Variants in FA2H observed in about 807,000 individuals in gnomAD.
FA2H encodes fatty acid alpha-hydroxylase.
A neutral mutation model predicts 44.9 loss-of-function variants in FA2H; 22 were observed. That is an observed-to-expected ratio of 0.49 (90% CI 0.35 to 0.70). The LOEUF is 0.70. Ranked by LOEUF, FA2H falls within the 30% of genes least tolerant of loss-of-function variation. FA2H has a pLI of 0.01. For missense variants in FA2H, 501 were observed against 504.9 expected (o/e 0.99, Z 0.07); for synonymous variants, 243 against 213.2 (o/e 1.14, Z -1.22).
At chr16:74,715,734 A>G (rs1961677455) in intron 6 of FA2H, among the ~76,000 whole-genome samples, 1 of 152,288 alleles carries the variant, frequency 6.6e-6, no homozygotes, top group East Asian at 1.9e-4. Flanking sequence ...TGTGGCCCAC[A>G]TAATATGTCA....
intron 4 of FA2H, 110 bp from the exon 5 acceptor site, chr16:74,719,270 G>A: frequency 3.2e-6 from 3 of 932,722 alleles, no homozygotes; most frequent in South Asian, 1.5e-5. Context: ...GCCCTCTGTT[G>A]GACAGCTACA....
At chr16:74,729,434 G>T (rs576261039) in intron 2 of FA2H, among the ~76,000 whole-genome samples, 1 of 152,204 alleles carries the variant, frequency 6.6e-6, no homozygotes, top group Non-Finnish European at 1.5e-5. Context: ...GTGCCACTAC[G>T]CAGGCTTTAT....
intron 4 of FA2H, among the ~76,000 whole-genome samples, chr16:74,724,629 G>A (rs1961912216): frequency 6.6e-6 from 1 of 152,192 alleles, no homozygotes; most frequent in East Asian, 1.9e-4. Flanking sequence ...TGCATGACAA[G>A]CTGGGGGCTG....
At chr16:74,744,232 T>C (rs1481748273) in intron 1 of FA2H, among the ~76,000 whole-genome samples, 3 of 152,236 alleles carry the variant, frequency 2.0e-5, no homozygotes, top group Admixed American at 6.5e-5. Context: ...ATCAGGAGTG[T>C]GTAGAGGTCA....
At chr16:74,768,358 C>T (rs1341887849) in intron 1 of FA2H, among the ~76,000 whole-genome samples, 1 of 152,180 alleles carries the variant, frequency 6.6e-6, no homozygotes, top group Non-Finnish European at 1.5e-5. Context: ...GGCCATGGAA[C>T]TGCAGTGACC....
intron 1 of FA2H, among the ~76,000 whole-genome samples, chr16:74,773,674 A>C (rs1962950773): frequency 6.6e-6 from 1 of 152,212 alleles, no homozygotes; most frequent in South Asian, 2.1e-4. Flanking sequence ...CCTTAGGCGC[A>C]TTAATCAGAG....
chr16:74,774,471 C>A lies in FA2H; in HGVS notation c.270+15G>T. 4 of 1,499,820 alleles carry A rather than the reference C, an allele frequency of 2.7e-6. No individual in the cohort carries two copies. Among genetic ancestry groups the A allele is most frequent in the Non-Finnish European group, 3.5e-6 (4 of 1,130,464 alleles). 92.9% of individuals were successfully genotyped at this position (1,499,820 alleles called of 1,614,324 possible). On this transcript the variant is annotated intron_variant, in intron 1 of 6. Transcript: ENST00000219368. ...GAGGCCTGGGTTGGGGTGGGGGGCCCCGGCCCGGCTGTACCTGCTGCTCCC... is the reference window on the plus strand; with the variant it reads ...GAGGCCTGGGTTGGGGTGGGGGGCCACGGCCCGGCTGTACCTGCTGCTCCC...
chr16:74,753,024 T>C (rs1962555723), intron 1 of FA2H, among the ~76,000 whole-genome samples: 1 of 152,226 alleles, frequency 6.6e-6, no homozygotes, highest in South Asian at 2.1e-4. Context: ...CCTCACCACC[T>C]AGCAGAGACC....
At chr16:74,733,691 G>A (rs1211206743) in intron 2 of FA2H, among the ~76,000 whole-genome samples, 1 of 152,204 alleles carries the variant, frequency 6.6e-6, no homozygotes, top group African/African-American at 2.4e-5. Context: ...GACAGCAGAC[G>A]ATGACGGCTT....
At chr16:74,733,787 G>C (rs764644046) in intron 2 of FA2H, among the ~76,000 whole-genome samples, 1 of 152,194 alleles carries the variant, frequency 6.6e-6, no homozygotes, top group Non-Finnish European at 1.5e-5. Context: ...TCATTGCCAT[G>C]GGGGTGGGCA....
At chr16:74,764,746 G>A (rs1962776286) in intron 1 of FA2H, among the ~76,000 whole-genome samples, 3 of 151,966 alleles carry the variant, frequency 2.0e-5, no homozygotes, top group Non-Finnish European at 4.4e-5. Context: ...AAAAGAATAG[G>A]AGCAATTAGA....
rs199815871 is a variant in FA2H, at chr16:74,716,542, C to G, written c.844G>C (p.Gly282Arg). Residue 282 changes from glycine to arginine, a missense_variant, in exon 6 of 7, where the codon GGC becomes CGC. Transcript: ENST00000219368. The stretch of plus-strand genomic sequence containing the variant: ...AGCTGCATGCACAAGTAGAAGACGC[C>G]GATCACCAGGGAGGCTGGCACAGGG... ...FPPVPASLVIGVFYLCMQLIL... is the reference protein window; with the variant it reads ...FPPVPASLVIRVFYLCMQLIL... 6.2e-7 allele frequency: 1 copy of G among 1,608,250 alleles called. No homozygotes were observed. Among genetic ancestry groups the G allele is most frequent in the East Asian group, 2.2e-5 (1 of 44,554 alleles).
chr16:74,754,581 GCA>G (rs1962581223), intron 1 of FA2H, among the ~76,000 whole-genome samples: 1 of 152,092 alleles, frequency 6.6e-6, no homozygotes, highest in African/African-American at 2.4e-5. Flanking sequence ...AGGCTGGAAT[GCA>G]TTGACGTGAT....
At chr16:74,727,052 T>C (rs1961974645) in intron 3 of FA2H, among the ~76,000 whole-genome samples, 192 bp downstream of exon 3, 1 of 152,206 alleles carries the variant, frequency 6.6e-6, no homozygotes, top group South Asian at 2.1e-4. Flanking sequence ...ACATGCTGGG[T>C]TGTGACCCAC....
intron 4 of FA2H, chr16:74,725,876 A>C (rs1450405155): frequency 2.8e-6 from 1 of 356,684 alleles, no homozygotes; most frequent in Non-Finnish European, 5.5e-6. Flanking sequence ...CACCCGATGA[A>C]GTGATTTCAT....
Position 74,716,477 on chromosome 16 carries a change from C to T in FA2H, c.909G>A (p.Gly303=). Residue 303 remains glycine, a synonymous_variant, in exon 6 of 7, where the codon GGG becomes GGA. Transcript: ENST00000219368. ...PEAVGGTVFA[G]GLLGYVLYDM... ...CATAGAGGACGTAGCCCAGGAGGCC[C>T]CCCGCAAACACAGTGCCCCCTACTG... 6 of 1,613,812 alleles carry T rather than the reference C, an allele frequency of 3.7e-6. No individual in the cohort carries two copies. The highest frequency in any genetic ancestry group is 5.1e-6 in the Non-Finnish European group (6 of 1,179,968).
In FA2H at chr16:74,714,871, T is replaced by C. The variant is rs140371075; in HGVS notation, c.1040-602A>G. 2.6e-4 allele frequency among the ~76,000 whole-genome samples: 39 copies of C among 151,474 alleles called. No homozygotes were observed. The East Asian group carries it at 7.5e-3, about 29-fold the overall frequency. On this transcript the variant is annotated intron_variant, in intron 6 of 6. Transcript: ENST00000219368. ...TTTTTTTTGAGATGGAGTTTCGTTC[T>C]TGTTGCTCAGGCTGGAGTGCACTGG...
At position 74,733,825 on chromosome 16, in the gene FA2H, G is replaced by A. The variant is rs558668112; in HGVS notation, c.363+6198C>T. Among the ~76,000 whole-genome samples the A allele has an allele frequency of 7.2e-5, 11 of 152,286 alleles. No individual in the cohort carries two copies. The South Asian group carries it at 1.4e-3, about 20-fold the overall frequency. On this transcript the variant is annotated intron_variant, in intron 2 of 6. Coordinates refer to ENST00000219368, the MANE Select transcript of FA2H (RefSeq NM_024306.5). ...GCTGCTGACACTGAGCAGCTGCCCC[G>A]TCCCCCGCCTGCCCCCGCTCACCAC...
chr16:74,718,848 T>G, intron 5 of FA2H, 140 bp downstream of exon 5: 5 of 995,404 alleles, frequency 5.0e-6, no homozygotes, highest in Non-Finnish European at 7.6e-6. Context: ...AGTTGCCCCG[T>G]GAGTCACATC....
Sources: allele counts gnomAD v4.1 joint callset (sites outside exome capture counted in the v4.1 genomes callset), GRCh38; gene constraint gnomAD v4.1.1; transcripts MANE v1.5; gene names NCBI Gene and HGNC (gene_info 2026-07-23, HGNC 2026-07-21).